The following RYR2 variants were observed in gnomAD, a reference collection of about 807,000 sequenced individuals.
The protein encoded by RYR2 is cardiac muscle ryanodine receptor-calcium release channel.
A neutral mutation model predicts 601.1 loss-of-function variants in RYR2; 227 were observed. The ratio of observed to expected loss-of-function variants is 0.38; its 90% CI spans 0.34 to 0.42. The LOEUF is 0.42. Among genes scored for constraint, RYR2 ranks in the 10% least tolerant of loss-of-function variants. The pLI is 1.00. For synonymous variants in RYR2, 2,223 were observed against 2,175.1 expected (o/e 1.02, Z -0.61); for missense variants, 4,646 against 6,156.5 (o/e 0.75, Z 8.21).
At position 237,557,561 on chromosome 1, in the gene RYR2, GT is replaced by G. The variant is rs373782971; in HGVS notation, c.3214+6885del. 1.0e-2 allele frequency among the ~76,000 whole-genome samples: 1,429 copies of G among 143,334 alleles called. 2 individuals are homozygous for G. Among genetic ancestry groups the G allele is most frequent in the East Asian group, 0.027 (130 of 4,850 alleles). 94.0% of individuals were successfully genotyped at this position (143,334 alleles called of 152,430 possible). A position where few individuals can be genotyped will look rare whatever the true frequency, so the allele number is the denominator to read the frequency against. ...AATAGAGGAGGCAGGAGTTGAAACA[GT>G]TTTTTTTTTTTTTTAAATTAAAGAA... On this transcript the variant is annotated intron_variant, in intron 27 of 104. Coordinates refer to ENST00000366574, the MANE Select transcript of RYR2 (RefSeq NM_001035.3).
chr1:237,707,885 C>T (rs1410062493), intron 68 of RYR2, among the ~76,000 whole-genome samples: 1 of 151,772 alleles, frequency 6.6e-6, no homozygotes, highest in Non-Finnish European at 1.5e-5. Flanking sequence ...GATTCTCCTG[C>T]CTCAGCCTCC....
intron 7 of RYR2, among the ~76,000 whole-genome samples, chr1:237,376,078 G>T (rs1701010032): frequency 6.6e-6 from 1 of 151,984 alleles, no homozygotes; most frequent in Non-Finnish European, 1.5e-5. Flanking sequence ...CTTTTTTGAT[G>T]TATCCCAGCT....
chr1:237,439,529 A>C (rs10925417), intron 12 of RYR2, among the ~76,000 whole-genome samples: 17 of 151,592 alleles, frequency 1.1e-4, no homozygotes, highest in African/African-American at 4.1e-4. Flanking sequence ...CTGTCGTCCC[A>C]GCTACTCGGG....
At chr1:237,219,134 C>G (rs1229500687) in intron 1 of RYR2, among the ~76,000 whole-genome samples, 1 of 151,512 alleles carries the variant, frequency 6.6e-6, no homozygotes, top group African/African-American at 2.4e-5. Context: ...GCCTCAGCCT[C>G]TCGAATAGCT....
intron 2 of RYR2, among the ~76,000 whole-genome samples, chr1:237,329,047 C>A (rs759066991): frequency 6.6e-6 from 1 of 152,124 alleles, no homozygotes; most frequent in South Asian, 2.1e-4. Flanking sequence ...TAATAACTTA[C>A]GGTTCTAACT....
intron 2 of RYR2, among the ~76,000 whole-genome samples, chr1:237,320,818 C>T (rs1364045589): frequency 6.6e-6 from 1 of 152,186 alleles, no homozygotes; most frequent in Non-Finnish European, 1.5e-5. Flanking sequence ...TTTGCTCCTG[C>T]TAGTACATTC....
chr1:237,495,069 G>T (rs1025270041), intron 19 of RYR2, among the ~76,000 whole-genome samples: 1 of 152,168 alleles, frequency 6.6e-6, no homozygotes, highest in African/African-American at 2.4e-5. Context: ...GATTACAGGT[G>T]TGAGCCACTG....
chr1:237,578,487 T>G (rs1572950345), intron 29 of RYR2, among the ~76,000 whole-genome samples: 1 of 152,198 alleles, frequency 6.6e-6, no homozygotes, highest in East Asian at 1.9e-4. Context: ...CCTTTGGTGC[T>G]TCCCATTGCC....
chr1:237,268,949 A>AAAAAAAAAAAAC (rs1689372711), intron 1 of RYR2, among the ~76,000 whole-genome samples: 2 of 146,142 alleles, frequency 1.4e-5, no homozygotes, highest in Admixed American at 6.9e-5. Flanking sequence ...AAAAAAAAAA[A>AAAAAAAAAAAAC]AAAAAAAAAA....
At chr1:237,185,499 C>T (rs1572133548) in intron 1 of RYR2, among the ~76,000 whole-genome samples, 1 of 152,198 alleles carries the variant, frequency 6.6e-6, no homozygotes, top group African/African-American at 2.4e-5. Context: ...CTAGCACCTT[C>T]ACTCCTGGTC....
intron 18 of RYR2, 88 bp from the exon 19 acceptor site, chr1:237,492,866 A>G (rs1366352321): frequency 7.7e-7 from 1 of 1,297,560 alleles, no homozygotes; most frequent in Non-Finnish European, 1.0e-6. Context: ...GAAGGAAGGA[A>G]GGAAGAAGGG....
intron 23 of RYR2, among the ~76,000 whole-genome samples, chr1:237,509,662 AGG>A: frequency 6.6e-6 from 1 of 152,228 alleles, no homozygotes; most frequent in Non-Finnish European, 1.5e-5. Context: ...TTGACTTTTA[AGG>A]TATTATGTTT....
chr1:237,344,391 G>A (rs1419823415), intron 3 of RYR2, among the ~76,000 whole-genome samples: 1 of 152,084 alleles, frequency 6.6e-6, no homozygotes, highest in African/African-American at 2.4e-5. Flanking sequence ...CTTTATTTCT[G>A]GCTCCAATTA....
At chr1:237,284,805 G>A (rs112028404) in intron 2 of RYR2, among the ~76,000 whole-genome samples, 2,068 of 151,708 alleles carry the variant, frequency 0.014, 43 homozygotes, top group African/African-American at 0.046. Flanking sequence ...AAAAGGGGTC[G>A]AGTTCTTGAT....
At chr1:237,360,468 G>A (rs775354854) in intron 4 of RYR2, among the ~76,000 whole-genome samples, 4 of 152,162 alleles carry the variant, frequency 2.6e-5, no homozygotes, top group East Asian at 3.9e-4. Context: ...GTAGCTTATC[G>A]GAATCATTTA....
chr1:237,596,273 C>T (rs978080093), intron 34 of RYR2, among the ~76,000 whole-genome samples: 1 of 152,046 alleles, frequency 6.6e-6, no homozygotes, highest in African/African-American at 2.4e-5. Flanking sequence ...CAGTGAGATA[C>T]AATAAAATGC....
chr1:237,776,529 TTCAGCTGGAAAACC>T (rs1473681329), intron 87 of RYR2, among the ~76,000 whole-genome samples: 1 of 152,102 alleles, frequency 6.6e-6, no homozygotes, highest in African/African-American at 2.4e-5. Flanking sequence ...GGGCCTGATT[TTCAGCTGGAAAACC>T]TAGAGTGAGG....
At chr1:237,061,017 T>C (rs1328718093) in intron 1 of RYR2, among the ~76,000 whole-genome samples, 2 of 152,196 alleles carry the variant, frequency 1.3e-5, no homozygotes, top group African/African-American at 4.8e-5. Context: ...CAGTACTTAG[T>C]AAATGTTGGT....
At chr1:237,742,444 A>G (rs1194129847) in intron 80 of RYR2, 95 bp downstream of exon 80, 3 of 898,764 alleles carry the variant, frequency 3.3e-6, no homozygotes, top group Non-Finnish European at 5.3e-6. Context: ...TTCATGGCTT[A>G]TTGCAGCTTA....
Sources: allele counts gnomAD v4.1 joint callset (sites outside exome capture counted in the v4.1 genomes callset), GRCh38; gene constraint gnomAD v4.1.1; transcripts MANE v1.5; gene names NCBI Gene and HGNC (gene_info 2026-07-23, HGNC 2026-07-21).